USP45: variants seen among roughly 807,000 people sequenced by gnomAD.
USP45 encodes the protein ubiquitin carboxyl-terminal hydrolase 45.
Under a neutral mutation model 95.8 loss-of-function variants are expected in USP45, and 89 were observed. That is an observed-to-expected ratio of 0.93 (90% CI 0.78 to 1.11). The LOEUF (loss-of-function observed/expected upper bound fraction) is 1.11. Among genes scored for constraint, USP45 ranks in the 50% least tolerant of loss-of-function variants. The pLI, the probability that USP45 is intolerant of heterozygous loss-of-function variation, is 0.00. For synonymous variants in USP45, 281 were observed against 316.2 expected (o/e 0.89, Z 1.18); for missense variants, 898 against 942.5 (o/e 0.95, Z 0.62).
chr6:99,452,172 T>G (rs1341048499), intron 13 of USP45, among the ~76,000 whole-genome samples: 1 of 152,026 alleles, frequency 6.6e-6, no homozygotes, highest in Non-Finnish European at 1.5e-5. Flanking sequence ...AAGCCAAAAT[T>G]GACAAATGGG....
upstream of USP45, among the ~76,000 whole-genome samples, chr6:99,516,435 A>G (rs1801114877): frequency 6.6e-6 from 1 of 152,234 alleles, no homozygotes; most frequent in Non-Finnish European, 1.5e-5. Flanking sequence ...TAGAAATCAG[A>G]AGATACGAGA....
At chr6:99,468,455 A>G (rs1562358586) in intron 10 of USP45, 82 bp downstream of exon 10, 10 of 955,552 alleles carry the variant, frequency 1.0e-5, no homozygotes, top group Non-Finnish European at 1.6e-5. Context: ...ATTAGTTCAC[A>G]TAATGTTCAG....
intron 9 of USP45, among the ~76,000 whole-genome samples, chr6:99,469,547 C>A (rs748453071): frequency 3.5e-4 from 52 of 149,262 alleles, no homozygotes; most frequent in Non-Finnish European, 6.4e-4. Flanking sequence ...GGTGTAATCA[C>A]TGCCCACTGC....
intron 8 of USP45, among the ~76,000 whole-genome samples, chr6:99,478,228 T>G (rs574912121): frequency 0.022 from 3,245 of 148,432 alleles, 101 homozygotes; most frequent in African/African-American, 0.073. Flanking sequence ...TTGTTTTTTT[T>G]TTTTTTTTTT....
At chr6:99,459,147 G>C (rs1281654506) in intron 13 of USP45, among the ~76,000 whole-genome samples, 2 of 151,958 alleles carry the variant, frequency 1.3e-5, no homozygotes, top group Non-Finnish European at 2.9e-5. Context: ...CCCACCCTGT[G>C]CACCCTCCAG....
chr6:99,494,172 C>T (rs1795803375), intron 5 of USP45, among the ~76,000 whole-genome samples: 1 of 152,052 alleles, frequency 6.6e-6, no homozygotes, highest in East Asian at 1.9e-4. Flanking sequence ...ATTTATCTCA[C>T]CTTGGGAAAT....
intron 9 of USP45, among the ~76,000 whole-genome samples, chr6:99,471,396 G>A (rs1469986409): frequency 1.3e-5 from 2 of 152,022 alleles, no homozygotes; most frequent in East Asian, 3.9e-4. Flanking sequence ...AAACAAGAAT[G>A]AAAATAATGT....
Position 99,435,825 on chromosome 6 carries a change from T to G in USP45, c.2336A>C (p.Glu779Ala). 1.9e-6 allele frequency: 3 copies of G among 1,612,352 alleles called. No homozygotes were observed. The highest frequency in any genetic ancestry group is 2.5e-6 in the Non-Finnish European group (3 of 1,179,360). The change falls in exon 18 of 18, where the codon GAA becomes GCA. Residue 779 changes from glutamate to alanine, a missense_variant. Coordinates refer to ENST00000500704, the MANE Select transcript of USP45 (RefSeq NM_001346022.3). ...NVPGLKAADN[E>A]SAGQWVHVSD... is the part of the protein sequence containing the mutation. ...AACATGGACCCACTGGCCTGCTGAT[T>G]CATTATCAGCCGCTTTCAAACCTAG...
intron 15 of USP45, among the ~76,000 whole-genome samples, 185 bp from the exon 16 acceptor site, chr6:99,440,040 AT>A (rs1454997741): frequency 6.6e-6 from 1 of 151,988 alleles, no homozygotes; most frequent in African/African-American, 2.4e-5. Flanking sequence ...TACTGCAAAG[AT>A]TATTCATTTA....
intron 13 of USP45, chr6:99,462,153 C>G (rs769780153): frequency 1.0e-6 from 1 of 980,234 alleles, no homozygotes; most frequent in Non-Finnish European, 1.2e-6. Flanking sequence ...ATGAAAAAAA[C>G]GTTCAATAAA....
At position 99,466,760 on chromosome 6, in the gene USP45, T is replaced by A; in HGVS notation, c.1019A>T (p.Tyr340Phe). Residue 340 changes from tyrosine to phenylalanine, a missense_variant, in exon 11 of 18, where the codon TAT becomes TTT. Tyr to Phe is a conservative substitution (Grantham distance 22). Coordinates refer to ENST00000500704, the MANE Select transcript of USP45 (RefSeq NM_001346022.3). ...GTTCATTTTCACACCTTCTTTTCCA[T>A]ATGCTGTAAAAATCATACTTTTTAA... is the stretch of plus-strand genomic sequence containing the variant. ...DDETRKKVKA[Y>F]GKEGVKMNFI... The A allele has an allele frequency of 6.2e-7, 1 of 1,612,516 alleles. No homozygotes were observed. The highest frequency in any genetic ancestry group is 1.3e-5 in the African/African-American group (1 of 75,008).
intron 5 of USP45, among the ~76,000 whole-genome samples, chr6:99,502,949 T>G (rs1322621778): frequency 6.6e-6 from 1 of 152,232 alleles, no homozygotes; most frequent in African/African-American, 2.4e-5. Context: ...GCAGGCTTCC[T>G]GCACAACATG....
rs183380772 is a variant in USP45, at chr6:99,502,185, C to A, written c.478+1580G>T. On this transcript the variant is annotated intron_variant, in intron 5 of 17. Coordinates refer to ENST00000500704, the MANE Select transcript of USP45 (RefSeq NM_001346022.3). ...CAATACTCTTGTGTATATTAGTGCA[C>A]ACGAATGCATGGGCTGGGGAGAGTG... Among the ~76,000 whole-genome samples, 341 of 152,310 alleles carry A rather than the reference C, an allele frequency of 2.2e-3. 1 individual carries two copies. The highest frequency in any genetic ancestry group is 7.7e-3 in the African/African-American group (322 of 41,570).
chr6:99,482,546 C>T (rs966854076), intron 8 of USP45: 7 of 426,394 alleles, frequency 1.6e-5, no homozygotes, highest in Non-Finnish European at 2.4e-5. Context: ...TCTGTGTCTC[C>T]ATTTCCTTAT....
Position 99,434,117 on chromosome 6 carries a change from GA to G in USP45, c.*1598del. On this transcript the variant is annotated 3_prime_UTR_variant, in exon 18 of 18. Coordinates refer to ENST00000500704, the MANE Select transcript of USP45 (RefSeq NM_001346022.3). ...TGATTATTTCACTGTTAAAAATCAA[GA>G]AAAACACTACTAACATTTCAACATC... 6.6e-6 allele frequency: 1 copy of G among 152,118 alleles called. No individual in the cohort carries two copies. The highest frequency in any genetic ancestry group is 1.5e-5 in the Non-Finnish European group (1 of 68,000). 9.4% of individuals were successfully genotyped at this position (152,118 alleles called of 1,614,324 possible).
At chr6:99,513,091 C>G (rs1212924470) in intron 1 of USP45, among the ~76,000 whole-genome samples, 1 of 152,102 alleles carries the variant, frequency 6.6e-6, no homozygotes, top group Non-Finnish European at 1.5e-5. Context: ...GAGGGGTTGC[C>G]CATGTACAAA....
intron 11 of USP45, 143 bp from the exon 12 acceptor site, chr6:99,465,279 G>C: frequency 1.9e-6 from 1 of 536,938 alleles, no homozygotes; most frequent in Admixed American, 3.3e-5. Context: ...CAATTTAATT[G>C]GGTATTGCAG....
chr6:99,460,842 CAG>C (rs1786267108), intron 13 of USP45: 1 of 980,848 alleles, frequency 1.0e-6, no homozygotes, highest in South Asian at 4.7e-5. Flanking sequence ...AAAAAGAAAA[CAG>C]AGGAAATAAG....
chr6:99,488,378 A>G (rs1794463809), intron 6 of USP45, 83 bp from the exon 7 acceptor site: 4 of 899,690 alleles, frequency 4.4e-6, no homozygotes, highest in Non-Finnish European at 6.7e-6. Flanking sequence ...AATTTCATCT[A>G]GCATAGCAAA....
Sources: allele counts gnomAD v4.1 joint callset (sites outside exome capture counted in the v4.1 genomes callset), GRCh38; gene constraint gnomAD v4.1.1; transcripts MANE v1.5; gene names NCBI Gene and HGNC (gene_info 2026-07-23, HGNC 2026-07-21).